The following CDH7 variants were observed in gnomAD, a reference collection of about 807,000 sequenced individuals.
CDH7 encodes the protein cadherin-7.
A neutral mutation model predicts 71.8 loss-of-function variants in CDH7; 25 were observed. That is an observed-to-expected ratio of 0.35 (90% CI 0.25 to 0.49). CDH7 has a LOEUF of 0.49. CDH7 is among the 20% of genes least tolerant of loss of function. The pLI, the probability that CDH7 is intolerant of heterozygous loss-of-function variation, is 0.99. For synonymous variants in CDH7, 381 were observed against 363.8 expected, an observed-to-expected ratio of 1.05 and a Z score of -0.54; for missense variants, 862 against 974.6, an observed-to-expected ratio of 0.88 and a Z score of 1.54.
At chr18:65,794,599 A>T (rs1163892580) in intron 2 of CDH7, among the ~76,000 whole-genome samples, 1 of 151,986 alleles carries the variant, frequency 6.6e-6, no homozygotes, top group Non-Finnish European at 1.5e-5. Flanking sequence ...TTAGAAAAAA[A>T]AAAAAACCTG....
intron 6 of CDH7, among the ~76,000 whole-genome samples, chr18:65,841,893 A>C (rs1912746789): frequency 6.6e-6 from 1 of 152,144 alleles, no homozygotes; most frequent in Admixed American, 6.6e-5. Flanking sequence ...ATAATAAACA[A>C]ACAAAAAATG....
chr18:65,814,712 C>T (rs1196619538), intron 4 of CDH7, 108 bp downstream of exon 4: 10 of 900,680 alleles, frequency 1.1e-5, no homozygotes, highest in Non-Finnish European at 1.6e-5. Context: ...TTTTATTATG[C>T]TTCTCTCAAT....
intron 11 of CDH7, chr18:65,863,683 C>T (rs1446517565): frequency 6.6e-6 from 1 of 152,116 alleles, no homozygotes; most frequent in Non-Finnish European, 1.5e-5. Context: ...GAAATGATTA[C>T]AATTTCAGCA....
chr18:65,789,259 G>A (rs1910620588), intron 2 of CDH7, among the ~76,000 whole-genome samples: 1 of 152,154 alleles, frequency 6.6e-6, no homozygotes, highest in East Asian at 1.9e-4. Context: ...CTTGAAGGAT[G>A]AGAAAGTGAC....
intron 2 of CDH7, among the ~76,000 whole-genome samples, chr18:65,770,721 T>C (rs920061535): frequency 1.3e-5 from 2 of 152,188 alleles, no homozygotes; most frequent in African/African-American, 4.8e-5. Context: ...AGAATTATAA[T>C]TGAGAAGAGC....
At chr18:65,781,643 A>G (rs1910191686) in intron 2 of CDH7, among the ~76,000 whole-genome samples, 1 of 152,046 alleles carries the variant, frequency 6.6e-6, no homozygotes, top group Admixed American at 6.6e-5. Flanking sequence ...TTTTCATTCT[A>G]TTCCTTTTTT....
At chr18:65,816,859 A>T in intron 4 of CDH7, among the ~76,000 whole-genome samples, 1 of 152,158 alleles carries the variant, frequency 6.6e-6, no homozygotes, top group Non-Finnish European at 1.5e-5. Context: ...TAATGTCCCA[A>T]ATTTACTAGG....
chr18:65,877,941 G>T (rs913957354), intron 11 of CDH7, among the ~76,000 whole-genome samples: 1 of 152,106 alleles, frequency 6.6e-6, no homozygotes, highest in Admixed American at 6.5e-5. Context: ...TAATCACCTT[G>T]TTTGAAAGTA....
chr18:65,867,024 T>C lies in CDH7; in HGVS notation c.1864+4107T>C, dbSNP rs192542056. Among the ~76,000 whole-genome samples, 569 of 145,752 alleles carry C rather than the reference T, an allele frequency of 3.9e-3. 3 individuals are homozygous for C. The highest frequency in any genetic ancestry group is 0.013 in the African/African-American group (540 of 40,564). ...TTCATCAACATATGGCAAGATACTCTGGTATTCTAAATTTTTTTTTTTTTT... is the reference window on the plus strand; with the variant it reads ...TTCATCAACATATGGCAAGATACTCCGGTATTCTAAATTTTTTTTTTTTTT... On this transcript the variant is annotated intron_variant, in intron 11 of 11. Coordinates refer to ENST00000397968, the MANE Select transcript of CDH7 (RefSeq NM_004361.5).
intron 8 of CDH7, 91 bp downstream of exon 8, chr18:65,858,043 T>C: frequency 8.1e-7 from 1 of 1,240,042 alleles, no homozygotes; most frequent in South Asian, 1.5e-5. Flanking sequence ...TTAATTAAAG[T>C]AGTTCCTTCT....
chr18:65,857,461 C>A (rs1040712700), intron 7 of CDH7, among the ~76,000 whole-genome samples: 12 of 151,276 alleles, frequency 7.9e-5, no homozygotes, highest in Admixed American at 2.6e-4. Context: ...TTACAGTGAT[C>A]CACTCCACCC....
intron 3 of CDH7, among the ~76,000 whole-genome samples, chr18:65,811,808 C>G (rs556282376): frequency 3.9e-5 from 6 of 151,988 alleles, no homozygotes; most frequent in African/African-American, 1.4e-4. Context: ...GTTTTAGAAG[C>G]TAATAGTGCA....
chr18:65,802,229 A>G (rs1388988795), intron 2 of CDH7, among the ~76,000 whole-genome samples: 1 of 152,182 alleles, frequency 6.6e-6, no homozygotes, highest in Admixed American at 6.5e-5. Flanking sequence ...TTGTGCACAC[A>G]TTTGTTTTTT....
intron 2 of CDH7, among the ~76,000 whole-genome samples, chr18:65,797,458 A>G (rs1031525664): frequency 6.6e-6 from 1 of 152,172 alleles, no homozygotes; most frequent in Non-Finnish European, 1.5e-5. Context: ...GGTTGCAGAG[A>G]TGAGTCCCCA....
chr18:65,789,461 C>A (rs1910628424), intron 2 of CDH7, among the ~76,000 whole-genome samples: 1 of 137,392 alleles, frequency 7.3e-6, no homozygotes, highest in Non-Finnish European at 1.5e-5. Context: ...AATACATGTG[C>A]TATTTTTTTG....
chr18:65,776,643 T>A (rs1909955847), intron 2 of CDH7, among the ~76,000 whole-genome samples: 1 of 152,158 alleles, frequency 6.6e-6, no homozygotes, highest in South Asian at 2.1e-4. Context: ...TCTCTCTTTT[T>A]CTTGACCATG....
At position 65,883,144 on chromosome 18, in the gene CDH7, A is replaced by T. The variant is rs1914278064; in HGVS notation, c.*2250A>T. ...AAGGTTCATGTTTAAATAATAATTT[A>T]AAATTATTGCATATACCCAATTGCT... is the stretch of plus-strand genomic sequence containing the variant. On this transcript the variant is annotated 3_prime_UTR_variant, in exon 12 of 12. Coordinates refer to ENST00000397968, the MANE Select transcript of CDH7 (RefSeq NM_004361.5). 1 of 152,122 alleles carries T rather than the reference A, an allele frequency of 6.6e-6. No homozygotes were observed. Among genetic ancestry groups the T allele is most frequent in the African/African-American group, 2.4e-5 (1 of 41,446 alleles). The allele number at this position is 152,122 out of a possible 1,614,324, so 9.4% of individuals were successfully genotyped here.
intron 8 of CDH7, among the ~76,000 whole-genome samples, 190 bp from the exon 9 acceptor site, chr18:65,858,733 TAC>T (rs1200786951): frequency 6.6e-6 from 1 of 152,064 alleles, no homozygotes; most frequent in Non-Finnish European, 1.5e-5. Context: ...TGTATATATA[TAC>T]ACACACATAC....
chr18:65,870,500 A>G (rs1183097851), intron 11 of CDH7, among the ~76,000 whole-genome samples: 3 of 152,024 alleles, frequency 2.0e-5, no homozygotes, highest in Admixed American at 6.5e-5. Flanking sequence ...ATGCACTTAC[A>G]TGGAATCTAA....
Sources: gnomAD v4.1 joint callset for allele counts (sites outside exome capture counted in the v4.1 genomes callset) on GRCh38, gnomAD v4.1.1 for gene constraint, MANE v1.5 for transcripts, NCBI Gene and HGNC (gene_info 2026-07-23, HGNC 2026-07-21) for gene names.